The following CTCF variants were observed in gnomAD, a reference collection of about 807,000 sequenced individuals.
CTCF encodes transcriptional repressor CTCF.
Under a neutral mutation model 72.3 loss-of-function variants are expected in CTCF, and 7 were observed. That is an observed-to-expected ratio of 0.10 (90% CI 0.06 to 0.18). The LOEUF is 0.18. CTCF is among the 10% of genes least tolerant of loss of function. The probability of loss-of-function intolerance (pLI) is 1.00; values close to 1 mark genes in which losing one functional copy is unlikely to be tolerated. For missense variants in CTCF, 516 were observed against 949.1 expected, an observed-to-expected ratio of 0.54 and a Z score of 6.00; for synonymous variants, 374 against 315.8, an observed-to-expected ratio of 1.18 and a Z score of -1.95.
chr16:67,604,401 GGC>G (rs778918406), intron 2 of CTCF, among the ~76,000 whole-genome samples: 1 of 152,102 alleles, frequency 6.6e-6, no homozygotes, highest in Non-Finnish European at 1.5e-5. Flanking sequence ...GGAGTGCAGT[GGC>G]GCGATCTTGG....
chr16:67,567,853 A>G (rs2051362572), intron 1 of CTCF: 1 of 149,546 alleles, frequency 6.7e-6, no homozygotes, highest in Non-Finnish European at 1.5e-5. Flanking sequence ...CGGCCTCCCA[A>G]AGTGTTGACG....
chr16:67,637,860 G>A lies in CTCF; in HGVS notation c.2172G>A (p.Met724Ile). 1 of 1,611,106 alleles carries A rather than the reference G, an allele frequency of 6.2e-7. No individual in the cohort carries two copies. The highest frequency in any genetic ancestry group is 1.1e-5 in the South Asian group (1 of 90,952). Residue 724 changes from methionine to isoleucine, a missense_variant, in exon 12 of 12, where the codon ATG becomes ATA. Met to Ile is a conservative substitution (Grantham distance 10, BLOSUM62 1). Coordinates refer to ENST00000264010, the MANE Select transcript of CTCF (RefSeq NM_006565.4). ...TCACGCCCGAGATGATCCTCAGCAT[G>A]ATGGACCGGTGATGGCGGAGCCTTG... is the stretch of plus-strand genomic sequence containing the variant. ...GDLTPEMILS[M>I]MDR is the part of the protein sequence containing the mutation.
chr16:67,573,461 T>C (rs2051452035), intron 2 of CTCF, among the ~76,000 whole-genome samples: 1 of 151,978 alleles, frequency 6.6e-6, no homozygotes, highest in South Asian at 2.1e-4. Context: ...ATATTAAATA[T>C]TGTTATATTA....
chr16:67,632,823 GCATTTTATCTGGAAGATCAGGAGTTTAC>G (rs2052382597), intron 10 of CTCF, among the ~76,000 whole-genome samples: 1 of 152,126 alleles, frequency 6.6e-6, no homozygotes, highest in South Asian at 2.1e-4. Flanking sequence ...GAGAAATAAG[GCATTTTATCTGGAAGATCAGGAGTTTAC>G]CCACAGATCT....
chr16:67,625,888 C>A (rs188336786), intron 7 of CTCF, among the ~76,000 whole-genome samples: 1 of 134,932 alleles, frequency 7.4e-6, no homozygotes, highest in East Asian at 2.4e-4. Context: ...CAATAAATGA[C>A]CCCAACAGCT....
chr16:67,617,164 C>T (rs571335974), intron 5 of CTCF, among the ~76,000 whole-genome samples: 39 of 151,292 alleles, frequency 2.6e-4, no homozygotes, highest in African/African-American at 9.0e-4. Context: ...GAGTTGGAGA[C>T]CAGCTTGACC....
intron 2 of CTCF, among the ~76,000 whole-genome samples, chr16:67,580,259 G>A (rs1046600541): frequency 6.6e-6 from 1 of 152,180 alleles, no homozygotes; most frequent in African/African-American, 2.4e-5. Context: ...GCCCAGGCTA[G>A]AGTGCTGTGG....
chr16:67,612,036 T>A lies in CTCF; in HGVS notation c.867T>A (p.Thr289=), dbSNP rs747888928. Residue 289 remains threonine, a synonymous_variant, in exon 4 of 12, where the codon ACT becomes ACA. Transcript: ENST00000264010. ...TGGATCGTCACATGAAAAGCCACAC[T>A]GATGAGAGACCACACAAGTGCCATC... The part of the protein sequence containing the change: ...SNLDRHMKSH[T]DERPHKCHLC... 7 of 1,614,042 alleles carry A rather than the reference T, an allele frequency of 4.3e-6. No homozygotes were observed. Among genetic ancestry groups the A allele is most frequent in the Non-Finnish European group, 5.9e-6 (7 of 1,180,018 alleles).
intron 2 of CTCF, among the ~76,000 whole-genome samples, chr16:67,592,365 T>C (rs2051756426): frequency 6.6e-6 from 1 of 151,822 alleles, no homozygotes; most frequent in South Asian, 2.1e-4. Flanking sequence ...TGGCCGGGAT[T>C]GTGCCACTGC....
intron 2 of CTCF, among the ~76,000 whole-genome samples, chr16:67,591,729 G>T (rs756795383): frequency 6.6e-6 from 1 of 151,800 alleles, no homozygotes; most frequent in Non-Finnish European, 1.5e-5. Flanking sequence ...TTTGGGGGGG[G>T]GCAGTAAGGG....
intron 2 of CTCF, among the ~76,000 whole-genome samples, chr16:67,603,780 G>A (rs1363999989): frequency 1.4e-5 from 2 of 147,940 alleles, no homozygotes; most frequent in Non-Finnish European, 3.0e-5. Flanking sequence ...AGCTGAGATC[G>A]CGCCACTGCA....
chr16:67,629,356 C>CT, intron 9 of CTCF, 42 bp from the exon 10 acceptor site: 1 of 1,559,540 alleles, frequency 6.4e-7, no homozygotes, highest in South Asian at 1.2e-5. Context: ...CTGATCTTAG[C>CT]TTTTTTAGTG....
At chr16:67,624,065 T>TA (rs1021969435) in intron 7 of CTCF, among the ~76,000 whole-genome samples, 4 of 97,780 alleles carry the variant, frequency 4.1e-5, no homozygotes, top group African/African-American at 1.6e-4. Flanking sequence ...AAAAAAAAAA[T>TA]TATATATGTG....
At chr16:67,603,354 C>T (rs796696362) in intron 2 of CTCF, among the ~76,000 whole-genome samples, 1 of 151,758 alleles carries the variant, frequency 6.6e-6, no homozygotes, top group South Asian at 2.1e-4. Flanking sequence ...ATGGTGAAAC[C>T]CCGTCCCTAC....
chr16:67,633,817 C>A (rs1384320082), intron 10 of CTCF, among the ~76,000 whole-genome samples: 2 of 151,852 alleles, frequency 1.3e-5, no homozygotes. Context: ...CACACACACT[C>A]TCACTCACTC....
intron 1 of CTCF, chr16:67,567,805 T>C (rs1409267744): frequency 1.3e-5 from 2 of 151,348 alleles, no homozygotes; most frequent in Non-Finnish European, 2.9e-5. Flanking sequence ...TTGCTCAGGC[T>C]GGTCTTGAAC....
chr16:67,562,880 T>C (rs1015573157), intron 1 of CTCF, among the ~76,000 whole-genome samples, 156 bp downstream of exon 1: 5 of 147,590 alleles, frequency 3.4e-5, no homozygotes, highest in African/African-American at 1.2e-4. Flanking sequence ...GCCGCCGCCA[T>C]TGCCCGTCGC....
intron 2 of CTCF, among the ~76,000 whole-genome samples, chr16:67,580,722 C>A (rs958660132): frequency 6.7e-6 from 1 of 148,230 alleles, no homozygotes; most frequent in Non-Finnish European, 1.5e-5. Context: ...CCACCACACT[C>A]GGCTAATTTT....
At chr16:67,578,325 CTT>C (rs944395345) in intron 2 of CTCF, among the ~76,000 whole-genome samples, 239 of 84,482 alleles carry the variant, frequency 2.8e-3, no homozygotes, top group Middle Eastern at 9.6e-3. Flanking sequence ...GTTTATGTAT[CTT>C]TTTTTTTTTT....
Sources: allele counts gnomAD v4.1 joint callset (sites outside exome capture counted in the v4.1 genomes callset), GRCh38; gene constraint gnomAD v4.1.1; transcripts MANE v1.5; gene names NCBI Gene and HGNC (gene_info 2026-07-23, HGNC 2026-07-21).